EDRF1: variants seen among roughly 807,000 people sequenced by gnomAD.
EDRF1 encodes erythroid differentiation-related factor 1.
Under a neutral mutation model 148.7 loss-of-function variants are expected in EDRF1, and 69 were observed. The ratio of observed to expected loss-of-function variants is 0.46; its 90% CI spans 0.38 to 0.57. The LOEUF (loss-of-function observed/expected upper bound fraction) is 0.57, where lower values mean the gene tolerates loss of function less well. Among genes scored for constraint, EDRF1 ranks in the 20% least tolerant of loss-of-function variants. EDRF1 has a pLI of 0.00. For synonymous variants in EDRF1, 515 were observed against 532.8 expected (o/e 0.97, Z 0.46); for missense variants, 1,118 against 1,478.7 (o/e 0.76, Z 4.00).
Position 125,729,036 on chromosome 10 carries a change from G to A in EDRF1, c.826G>A (p.Gly276Arg). 2 of 1,583,412 alleles carry A rather than the reference G, an allele frequency of 1.3e-6. No individual in the cohort carries two copies. Residue 276 changes from glycine (G) to arginine (R), a missense_variant, in exon 7 of 25, where the codon GGG (glycine) becomes AGG (arginine). Around this residue, in one of 3 missense-constraint regions of EDRF1, gnomAD observed 954 missense variants for 1,241.4 expected, o/e 0.77. Transcript: ENST00000356792. ...GCCTCTTGAACCCTCATACATAGTG[G>A]GGCATGTGGCCTCAGCCCCCAAAGA... is the stretch of plus-strand genomic sequence containing the variant. ...SEPLEPSYIV[G>R]HVASAPKEQN...
chr10:125,723,195 C>T, intron 3 of EDRF1, 61 bp downstream of exon 3: 1 of 1,405,880 alleles, frequency 7.1e-7, no homozygotes, highest in Non-Finnish European at 1.0e-6. Flanking sequence ...TGTTTTATAT[C>T]ATGCTGTGTT....
chr10:125,756,756 G>T, intron 24 of EDRF1: 1 of 385,360 alleles, frequency 2.6e-6, no homozygotes, highest in Non-Finnish European at 5.0e-6. Context: ...TATTAAAATT[G>T]GGTTTCCTAT....
At chr10:125,741,282 G>A (rs1490419049) in intron 17 of EDRF1, 81 bp downstream of exon 17, 5 of 1,235,176 alleles carry the variant, frequency 4.0e-6, no homozygotes, top group Non-Finnish European at 5.9e-6. Flanking sequence ...TCAGAAAAGG[G>A]GTAGAAATAT....
At position 125,741,696 on chromosome 10, in the gene EDRF1, A is replaced by AT. The variant is rs1477790020; in HGVS notation, c.2371+498dup. The stretch of plus-strand genomic sequence containing the variant: ...TTGTGTCAACTTTTTATTTTATTTT[A>AT]TTTATTTATTTTTTTGAGACACAGT... On this transcript the variant is annotated intron_variant, in intron 17 of 24. Transcript: ENST00000356792. The AT allele has an allele frequency of 8.2e-5, 14 of 171,554 alleles. No homozygotes were observed. The East Asian group carries it at 1.6e-3, about 19-fold the overall frequency. 10.6% of individuals were successfully genotyped at this position (171,554 alleles called of 1,614,324 possible).
Position 125,740,891 on chromosome 10 carries a change from A to G in EDRF1, c.2171-110A>G, listed in dbSNP as rs565386798. On this transcript the variant is annotated intron_variant, in intron 16 of 24. Coordinates refer to ENST00000356792, the MANE Select transcript of EDRF1 (RefSeq NM_001202438.2). Reference sequence around the variant, plus strand: ...GTTGGACCTAAAATAAACAGAATAGATACAGTGCTACAAAGCGTTCAGCTG... The same window carrying G: ...GTTGGACCTAAAATAAACAGAATAGGTACAGTGCTACAAAGCGTTCAGCTG... The G allele has an allele frequency of 5.7e-6, 7 of 1,221,562 alleles. No individual in the cohort carries two copies. In the African/African-American group the frequency reaches 6.0e-5, roughly 10 times the overall value. 75.7% of individuals were successfully genotyped at this position (1,221,562 alleles called of 1,614,324 possible).
chr10:125,725,374 G>T lies in EDRF1; in HGVS notation c.567G>T (p.Trp189Cys), dbSNP rs1014296072. Reference protein sequence around the residue: ...EFYQRLIDQKWQRKKKSKEHW... With the variant: ...EFYQRLIDQKCQRKKKSKEHW... ...ATCAAAGACTCATTGATCAGAAGTG[G>T]CAGAGGAAGAAAAAGAGCAAAGAGC... The change falls in exon 5 of 25, where the codon TGG (tryptophan) becomes TGT (cysteine). Residue 189 changes from tryptophan to cysteine, a missense_variant. Physicochemically the swap from Trp to Cys is radical, Grantham distance 215 (BLOSUM62 -2). Transcript: ENST00000356792. 6.2e-7 allele frequency: 1 copy of T among 1,613,950 alleles called. No homozygotes were observed. Among genetic ancestry groups the T allele is most frequent in the East Asian group, 2.2e-5 (1 of 44,828 alleles).
At chr10:125,735,539 A>G in intron 12 of EDRF1, 105 bp from the exon 13 acceptor site, 3 of 1,096,354 alleles carry the variant, frequency 2.7e-6, no homozygotes, top group Non-Finnish European at 4.1e-6. Context: ...ATATGGTGGA[A>G]ACAGCCTGTG....
intron 13 of EDRF1, among the ~76,000 whole-genome samples, chr10:125,737,173 A>G (rs1427327332): frequency 6.6e-6 from 1 of 152,210 alleles, no homozygotes; most frequent in Non-Finnish European, 1.5e-5. Flanking sequence ...CTGCATTGTA[A>G]CACTAGGCCA....
intron 4 of EDRF1, 36 bp downstream of exon 4, chr10:125,723,972 A>G: frequency 6.2e-7 from 1 of 1,610,406 alleles, no homozygotes; most frequent in Middle Eastern, 1.7e-4. Context: ...CAAAACATTA[A>G]CAGCTTAAGA....
In EDRF1 at chr10:125,747,592, A is replaced by C. The variant is rs1438607087; in HGVS notation, c.2871A>C (p.Pro957=). ...CATTGGGAACACGAGACATACACCC[A>C]GCTGTTTGGGATTCAGTGAACTGGG... ...LRSLGTRDIH[P]AVWDSVNWEL... is the part of the protein sequence containing the mutation. The change falls in exon 20 of 25, where the codon CCA becomes CCC. Residue 957 remains proline, a synonymous_variant. Coordinates refer to ENST00000356792, the MANE Select transcript of EDRF1 (RefSeq NM_001202438.2). The C allele has an allele frequency of 6.2e-7, 1 of 1,614,206 alleles. No homozygotes were observed. The highest frequency in any genetic ancestry group is 2.2e-5 in the East Asian group (1 of 44,880).
chr10:125,735,720 C>G lies in EDRF1; in HGVS notation c.1574C>G (p.Ser525Cys). ...DEPKKEENSE[S>C]PLNENSDESY... ...CCTAAAAAGGAAGAAAATTCAGAAT[C>G]TCCTTTAAATGAGAATTCTGATGAA... Residue 525 changes from serine to cysteine, a missense_variant, in exon 13 of 25, where the codon TCT becomes TGT. Ser to Cys is a moderately radical substitution (Grantham distance 112). Coordinates refer to ENST00000356792, the MANE Select transcript of EDRF1 (RefSeq NM_001202438.2). 6.2e-7 allele frequency: 1 copy of G among 1,613,434 alleles called. No individual in the cohort carries two copies. Among genetic ancestry groups the G allele is most frequent in the Non-Finnish European group, 8.5e-7 (1 of 1,179,536 alleles).
In EDRF1 at chr10:125,752,819, A is replaced by G; in HGVS notation, c.3298A>G (p.Lys1100Glu). ...TTTAGGTCAGAATAGCAATGTTGGA[A>G]AGTTGAAAACACTATCTGGGGCTCT... ...QMTSQNSNVG[K>E]LKTLSGALDI... The change falls in exon 23 of 25, where the codon AAG (lysine) becomes GAG (glutamate). Residue 1100 changes from lysine to glutamate, a missense_variant. Around this residue, in one of 3 missense-constraint regions of EDRF1, gnomAD observed 954 missense variants for 1,241.4 expected, o/e 0.77. Transcript: ENST00000356792. 3 of 1,613,728 alleles carry G rather than the reference A, an allele frequency of 1.9e-6. No individual in the cohort carries two copies. Among genetic ancestry groups the G allele is most frequent in the Non-Finnish European group, 2.5e-6 (3 of 1,179,712 alleles).
At chr10:125,759,206 A>G (rs1243374010) in intron 24 of EDRF1, among the ~76,000 whole-genome samples, 4 of 152,118 alleles carry the variant, frequency 2.6e-5, no homozygotes, top group Non-Finnish European at 4.4e-5. Flanking sequence ...CAGAGGCCCT[A>G]TACTTTCTCA....
chr10:125,730,441 T>C (rs1164582463), intron 9 of EDRF1, 42 bp downstream of exon 9: 1 of 1,516,246 alleles, frequency 6.6e-7, no homozygotes, highest in South Asian at 1.1e-5. Context: ...AAATGCAAAT[T>C]GGTACAGAGA....
chr10:125,745,482 A>C, intron 18 of EDRF1: 1 of 581,124 alleles, frequency 1.7e-6, no homozygotes, highest in Non-Finnish European at 3.1e-6. Context: ...ATACAGTCAC[A>C]TTCTAAGGAA....
intron 21 of EDRF1, chr10:125,748,352 T>C (rs941698578): frequency 2.8e-6 from 1 of 361,078 alleles, no homozygotes; most frequent in African/African-American, 2.1e-5. Context: ...ATATCTTAGT[T>C]TATCTAGTCT....
At chr10:125,742,788 G>A (rs927749711) in intron 17 of EDRF1, 2 of 984,340 alleles carry the variant, frequency 2.0e-6, no homozygotes, top group Admixed American at 6.1e-5. Flanking sequence ...ATAAACAAGT[G>A]TACCTGGGAA....
intron 9 of EDRF1, among the ~76,000 whole-genome samples, chr10:125,730,801 A>G (rs1442670529): frequency 1.3e-5 from 2 of 152,176 alleles, no homozygotes; most frequent in African/African-American, 4.8e-5. Flanking sequence ...TTATATAGCA[A>G]ATTCTTATTG....
chr10:125,725,523 A>AT, intron 5 of EDRF1, 81 bp downstream of exon 5: 2 of 1,593,896 alleles, frequency 1.3e-6, no homozygotes, highest in Non-Finnish European at 1.7e-6. Context: ...TGAAGTTATA[A>AT]TTTAAGTTTT....
Sources: gnomAD v4.1 joint callset for allele counts (sites outside exome capture counted in the v4.1 genomes callset) on GRCh38, gnomAD v4.1.1 for gene constraint, gnomAD v4.1.1 regional missense constraint, MANE v1.5 for transcripts, NCBI Gene and HGNC (gene_info 2026-07-23, HGNC 2026-07-21) for gene names.